Variants in CTNND2 observed in about 807,000 individuals in gnomAD.
CTNND2 encodes catenin delta-2.
Under a neutral mutation model 144.4 loss-of-function variants are expected in CTNND2, and 22 were observed. That is an observed-to-expected ratio of 0.15 (90% confidence interval 0.11 to 0.22). The LOEUF is 0.22. CTNND2 is among the 10% of genes least tolerant of loss of function. The probability of loss-of-function intolerance (pLI) is 1.00; values close to 1 mark genes in which losing one functional copy is unlikely to be tolerated. For missense variants in CTNND2, 1,353 were observed against 1,618.8 expected (o/e 0.84, Z 2.82); for synonymous variants, 751 against 695.6 (o/e 1.08, Z -1.25).
chr5:11,351,591 T>C (rs371037520), intron 8 of CTNND2, among the ~76,000 whole-genome samples: 123 of 152,326 alleles, frequency 8.1e-4, no homozygotes, highest in African/African-American at 2.7e-3. Flanking sequence ...TGAAATATTC[T>C]GCTTTATGAT....
intron 2 of CTNND2, among the ~76,000 whole-genome samples, 155 bp from the exon 3 acceptor site, chr5:11,565,211 G>A (rs1041792197): frequency 2.6e-5 from 4 of 152,254 alleles, no homozygotes; most frequent in Non-Finnish European, 5.9e-5. Context: ...AGGTTAGACA[G>A]GCTTGTGGCC....
At chr5:11,468,972 G>A (rs571603774) in intron 3 of CTNND2, among the ~76,000 whole-genome samples, 1 of 152,226 alleles carries the variant, frequency 6.6e-6, no homozygotes, top group South Asian at 2.1e-4. Context: ...TTCAGCTTGG[G>A]TTTCTGCAGG....
chr5:11,051,235 G>C (rs773960100), intron 16 of CTNND2, among the ~76,000 whole-genome samples: 2 of 152,164 alleles, frequency 1.3e-5, no homozygotes, highest in Non-Finnish European at 2.9e-5. Context: ...AGTGGGTATG[G>C]GTACCTATGA....
intron 9 of CTNND2, among the ~76,000 whole-genome samples, chr5:11,287,199 T>C (rs750164669): frequency 4.6e-5 from 7 of 152,206 alleles, no homozygotes; most frequent in Non-Finnish European, 8.8e-5. Flanking sequence ...TTTGTGAAGG[T>C]ATTCTCTTAG....
intron 12 of CTNND2, among the ~76,000 whole-genome samples, chr5:11,132,889 TC>T (rs1755759386): frequency 6.6e-6 from 1 of 152,206 alleles, no homozygotes. Context: ...AACTGCTATC[TC>T]ATAAACTGAG....
At chr5:11,652,373 C>T (rs1782688822) in intron 2 of CTNND2, among the ~76,000 whole-genome samples, 1 of 147,952 alleles carries the variant, frequency 6.8e-6, no homozygotes, top group African/African-American at 2.5e-5. Context: ...AAGTGTGAAT[C>T]AATTAAACCT....
intron 1 of CTNND2, among the ~76,000 whole-genome samples, chr5:11,771,794 C>T (rs1789958154): frequency 6.6e-6 from 1 of 152,056 alleles, no homozygotes; most frequent in Non-Finnish European, 1.5e-5. Flanking sequence ...GAATGGAAAC[C>T]TTTGCTTGCT....
intron 15 of CTNND2, among the ~76,000 whole-genome samples, chr5:11,095,690 A>G (rs1000139284): frequency 6.6e-6 from 1 of 152,244 alleles, no homozygotes; most frequent in African/African-American, 2.4e-5. Flanking sequence ...CATTGTATGA[A>G]TGAATGATTA....
At chr5:11,722,659 G>A (rs1053070656) in intron 2 of CTNND2, among the ~76,000 whole-genome samples, 1 of 152,170 alleles carries the variant, frequency 6.6e-6, no homozygotes, top group African/African-American at 2.4e-5. Flanking sequence ...GGAGAAGAAT[G>A]ACCAAAGGTG....
intron 1 of CTNND2, among the ~76,000 whole-genome samples, chr5:11,746,078 G>A (rs778222430): frequency 8.6e-5 from 13 of 152,036 alleles, no homozygotes; most frequent in Non-Finnish European, 1.8e-4. Flanking sequence ...GATGTATGAG[G>A]CTGTTCTTGC....
chr5:11,482,500 A>G (rs527979885), intron 3 of CTNND2, among the ~76,000 whole-genome samples: 1 of 152,282 alleles, frequency 6.6e-6, no homozygotes, highest in Non-Finnish European at 1.5e-5. Context: ...AGTAGTGAAT[A>G]AAAACATCAA....
At chr5:11,144,082 T>TACACCA (rs1757013440) in intron 12 of CTNND2, among the ~76,000 whole-genome samples, 1 of 151,948 alleles carries the variant, frequency 6.6e-6, no homozygotes, top group African/African-American at 2.4e-5. Context: ...TCCCCAGGTC[T>TACACCA]GCACCAGCTA....
intron 2 of CTNND2, among the ~76,000 whole-genome samples, chr5:11,612,259 T>C (rs1354178479): frequency 1.3e-5 from 2 of 152,218 alleles, no homozygotes; most frequent in Non-Finnish European, 2.9e-5. Flanking sequence ...GTGAAAAGTT[T>C]TGCTTAATTA....
chr5:11,881,950 C>T (rs540579654), intron 1 of CTNND2, among the ~76,000 whole-genome samples: 7 of 152,068 alleles, frequency 4.6e-5, no homozygotes, highest in African/African-American at 1.7e-4. Flanking sequence ...AACGATAACT[C>T]ATTGTGGTTT....
intron 21 of CTNND2, among the ~76,000 whole-genome samples, chr5:10,980,643 C>A (rs1350966555): frequency 6.6e-6 from 1 of 152,170 alleles, no homozygotes; most frequent in Non-Finnish European, 1.5e-5. Context: ...CACTTGGAAC[C>A]AACCCAAATG....
At chr5:11,069,920 C>T (rs1486390626) in intron 16 of CTNND2, among the ~76,000 whole-genome samples, 2 of 152,076 alleles carry the variant, frequency 1.3e-5, no homozygotes, top group East Asian at 1.9e-4. Context: ...TAACTAAAGC[C>T]CAGATATAGT....
chr5:11,308,452 A>G (rs1750479405), intron 9 of CTNND2, among the ~76,000 whole-genome samples: 1 of 152,098 alleles, frequency 6.6e-6, no homozygotes, highest in Non-Finnish European at 1.5e-5. Context: ...TTATTTACAA[A>G]AAAAACAACA....
intron 3 of CTNND2, among the ~76,000 whole-genome samples, chr5:11,534,878 A>T (rs2150060325): frequency 6.6e-6 from 1 of 152,250 alleles, no homozygotes; most frequent in East Asian, 1.9e-4. Context: ...AACTTGGACA[A>T]GGATTAAACA....
At chr5:11,375,959 T>C (rs1331224087) in intron 7 of CTNND2, among the ~76,000 whole-genome samples, 4 of 152,150 alleles carry the variant, frequency 2.6e-5, no homozygotes. Flanking sequence ...CCCAGTGTGA[T>C]GGTGTTAGGA....
Sources: allele counts gnomAD v4.1 joint callset (sites outside exome capture counted in the v4.1 genomes callset), GRCh38; gene constraint gnomAD v4.1.1; transcripts MANE v1.5; gene names NCBI Gene and HGNC (gene_info 2026-07-23, HGNC 2026-07-21).